The following KCNQ1OT1 variants were observed in gnomAD, a reference collection of about 807,000 sequenced individuals.
The protein encoded by KCNQ1OT1 is KCNQ1 antisense RNA 2 (non-protein coding).
chr11:2,623,986 C>G lies in KCNQ1OT1; in HGVS notation n.76009G>C. 1 of 398,786 alleles carries G rather than the reference C, an allele frequency of 2.5e-6. No individual in the cohort carries two copies. Among genetic ancestry groups the G allele is most frequent in the Non-Finnish European group, 4.4e-6 (1 of 226,214 alleles). The allele number at this position is 398,786 out of a possible 1,614,324, so 24.7% of individuals were successfully genotyped here. A position where few individuals can be genotyped will look rare whatever the true frequency, so the allele number is the denominator to read the frequency against. Reference sequence around the variant, plus strand: ...CCAGGGCTGCACCACTTTACATTCCCATTAATGGTATATGTCAAAGTGGCT... The same window carrying G: ...CCAGGGCTGCACCACTTTACATTCCGATTAATGGTATATGTCAAAGTGGCT... On this transcript the variant is annotated non_coding_transcript_exon_variant, in exon 1 of 1. Transcript: ENST00000597346. This position sits in a 1 kb window ranked among gnomAD's most constrained non-coding sequence, Gnocchi z 5.2.
chr11:2,624,374 C>G lies in KCNQ1OT1; in HGVS notation n.75621G>C. 5.0e-6 allele frequency: 2 copies of G among 398,514 alleles called. No homozygotes were observed. The highest frequency in any genetic ancestry group is 1.3e-4 in the South Asian group (1 of 7,850). 24.7% of individuals were successfully genotyped at this position (398,514 alleles called of 1,614,324 possible). ...GTCTCCCTTCTGTGGCCTGTCCTTTCATCCTCTTGACAGTATGTTTTACAG... is the reference window on the plus strand; with the variant it reads ...GTCTCCCTTCTGTGGCCTGTCCTTTGATCCTCTTGACAGTATGTTTTACAG... On this transcript the variant is annotated non_coding_transcript_exon_variant, in exon 1 of 1. Coordinates refer to ENST00000597346, the Ensembl canonical transcript of KCNQ1OT1. The surrounding 1 kb of genome is among the most constrained non-coding windows in gnomAD (Gnocchi z 4.9).
exon 1 of KCNQ1OT1, chr11:2,644,157 T>G: frequency 2.5e-6 from 1 of 398,598 alleles, no homozygotes; most frequent in Non-Finnish European, 4.4e-6. Flanking sequence ...TGGGAAGTGT[T>G]CAGGTATTAT....
exon 1 of KCNQ1OT1, chr11:2,672,174 T>G (rs984011719): frequency 2.5e-6 from 1 of 398,568 alleles, no homozygotes; most frequent in African/African-American, 2.1e-5. Flanking sequence ...TTTCAGTGTT[T>G]TCTTTAGGTT....
rs1464539876 is a variant in KCNQ1OT1, at chr11:2,687,046, T to TG, written n.12948dup. The TG allele has an allele frequency of 1.0e-5, 4 of 398,534 alleles. No homozygotes were observed. Among genetic ancestry groups the TG allele is most frequent in the African/African-American group, 8.2e-5 (4 of 48,632 alleles). 24.7% of individuals were successfully genotyped at this position (398,534 alleles called of 1,614,324 possible). On this transcript the variant is annotated non_coding_transcript_exon_variant, in exon 1 of 1. Coordinates refer to ENST00000597346, the Ensembl canonical transcript of KCNQ1OT1. This position sits in a 1 kb window ranked among gnomAD's most constrained non-coding sequence, Gnocchi z 5.0. ...GGCTAAAACTCAGCAGTCCCAGCTC[T>TG]GGGGGACAAGGACCCACAAAGTGAT...
chr11:2,675,191 G>T (rs145743701), exon 1 of KCNQ1OT1: 26 of 398,548 alleles, frequency 6.5e-5, no homozygotes, highest in African/African-American at 4.9e-4. Flanking sequence ...GGCCCCTCTA[G>T]GTCAATATTG....
At chr11:2,667,795 C>T (rs553622058) in exon 1 of KCNQ1OT1, 12 of 398,656 alleles carry the variant, frequency 3.0e-5, no homozygotes, top group Admixed American at 1.3e-4. Flanking sequence ...TAATTAGGCT[C>T]ACCTGGGCTA....
Position 2,654,831 on chromosome 11 carries a change from A to G in KCNQ1OT1, n.45164T>C, listed in dbSNP as rs150648685. On this transcript the variant is annotated non_coding_transcript_exon_variant, in exon 1 of 1. Coordinates refer to ENST00000597346, the Ensembl canonical transcript of KCNQ1OT1. This position sits in a 1 kb window ranked among gnomAD's most constrained non-coding sequence, Gnocchi z 6.4. ...AAGACTTTCATGATAGGAGAGCTCT[A>G]TGTAGCCTCATGGGCAGCTCCAGGC... The G allele has an allele frequency of 5.0e-6, 2 of 398,612 alleles. No individual in the cohort carries two copies. The highest frequency in any genetic ancestry group is 2.1e-5 in the African/African-American group (1 of 48,706). The allele number at this position is 398,612 out of a possible 1,614,324, so 24.7% of individuals were successfully genotyped here.
In KCNQ1OT1 at chr11:2,671,054, C is replaced by A. The variant is rs1204149267; in HGVS notation, n.28941G>T. 2.5e-6 allele frequency: 1 copy of A among 398,508 alleles called. No homozygotes were observed. The highest frequency in any genetic ancestry group is 4.4e-6 in the Non-Finnish European group (1 of 226,094). 24.7% of individuals were successfully genotyped at this position (398,508 alleles called of 1,614,324 possible). A position where few individuals can be genotyped will look rare whatever the true frequency, so the allele number is the denominator to read the frequency against. On this transcript the variant is annotated non_coding_transcript_exon_variant, in exon 1 of 1. Transcript: ENST00000597346. The surrounding 1 kb of genome is among the most constrained non-coding windows in gnomAD (Gnocchi z 4.7). ...CTGGGCAGGGGCTGTATCTGAGGCA[C>A]ACATCCTTGGTAGTGACTGGCTAGC... is the stretch of plus-strand genomic sequence containing the variant.
rs1208789481 is a variant in KCNQ1OT1, at chr11:2,651,742, C to T, written n.48253G>A. On this transcript the variant is annotated non_coding_transcript_exon_variant, in exon 1 of 1. Transcript: ENST00000597346. The surrounding 1 kb of genome is among the most constrained non-coding windows in gnomAD (Gnocchi z 6.1). Reference sequence around the variant, plus strand: ...TCATCCTCATTTCTATACGTTTTCTCTGATTACTGGAAATTCCTCAAGTGT... The same window carrying T: ...TCATCCTCATTTCTATACGTTTTCTTTGATTACTGGAAATTCCTCAAGTGT... 2.5e-6 allele frequency: 1 copy of T among 398,516 alleles called. No homozygotes were observed. The highest frequency in any genetic ancestry group is 4.4e-5 in the Admixed American group (1 of 22,720). 24.7% of individuals were successfully genotyped at this position (398,516 alleles called of 1,614,324 possible).
chr11:2,674,125 C>G lies in KCNQ1OT1; in HGVS notation n.25870G>C, dbSNP rs979079484. On this transcript the variant is annotated non_coding_transcript_exon_variant, in exon 1 of 1. Coordinates refer to ENST00000597346, the Ensembl canonical transcript of KCNQ1OT1. The surrounding 1 kb of genome is among the most constrained non-coding windows in gnomAD (Gnocchi z 5.9). ...GAGGGAGGTGTGGAAGCTGGTTTGC[C>G]GGGGCCACCCAGTGTGGGCTCAGGA... The G allele has an allele frequency of 5.0e-6, 2 of 398,460 alleles. No individual in the cohort carries two copies. Among genetic ancestry groups the G allele is most frequent in the East Asian group, 7.1e-5 (2 of 28,072 alleles). 24.7% of individuals were successfully genotyped at this position (398,460 alleles called of 1,614,324 possible).
rs1042975117 is a variant in KCNQ1OT1, at chr11:2,642,027, A to C, written n.57968T>G. 11 of 398,208 alleles carry C rather than the reference A, an allele frequency of 2.8e-5. No homozygotes were observed. The highest frequency in any genetic ancestry group is 6.2e-4 in the Middle Eastern group (1 of 1,608). 24.7% of individuals were successfully genotyped at this position (398,208 alleles called of 1,614,324 possible). On this transcript the variant is annotated non_coding_transcript_exon_variant, in exon 1 of 1. Coordinates refer to ENST00000597346, the Ensembl canonical transcript of KCNQ1OT1. The surrounding 1 kb of genome is among the most constrained non-coding windows in gnomAD (Gnocchi z 4.3). ...AATACCATGCTGCTTTTAATGCTATAGCCTTATATTTTTAAATCAGGCAGT... is the reference window on the plus strand; with the variant it reads ...AATACCATGCTGCTTTTAATGCTATCGCCTTATATTTTTAAATCAGGCAGT...
At chr11:2,648,613 T>C (rs1221862211) in exon 1 of KCNQ1OT1, 1 of 398,482 alleles carries the variant, frequency 2.5e-6, no homozygotes, top group African/African-American at 2.1e-5. Flanking sequence ...TTTCCAGTTT[T>C]ATTCCATTGT....
chr11:2,664,815 A>T lies in KCNQ1OT1; in HGVS notation n.35180T>A, dbSNP rs1035064453. ...CCAAAAAACATTTCCATTTTTCTTC[A>T]GCATTCTACTGATGTTAAATGTATT... On this transcript the variant is annotated non_coding_transcript_exon_variant, in exon 1 of 1. Coordinates refer to ENST00000597346, the Ensembl canonical transcript of KCNQ1OT1. The surrounding 1 kb of genome is among the most constrained non-coding windows in gnomAD (Gnocchi z 5.1). 6 of 398,578 alleles carry T rather than the reference A, an allele frequency of 1.5e-5. No individual in the cohort carries two copies. Among genetic ancestry groups the T allele is most frequent in the African/African-American group, 2.1e-5 (1 of 48,610 alleles). 24.7% of individuals were successfully genotyped at this position (398,578 alleles called of 1,614,324 possible).
chr11:2,683,109 T>G lies in KCNQ1OT1; in HGVS notation n.16886A>C, dbSNP rs1850425487. 2.6e-6 allele frequency: 1 copy of G among 381,300 alleles called. No homozygotes were observed. Among genetic ancestry groups the G allele is most frequent in the African/African-American group, 2.4e-5 (1 of 41,160 alleles). 23.6% of individuals were successfully genotyped at this position (381,300 alleles called of 1,614,324 possible). On this transcript the variant is annotated non_coding_transcript_exon_variant, in exon 1 of 1. Transcript: ENST00000597346. This position sits in a 1 kb window ranked among gnomAD's most constrained non-coding sequence, Gnocchi z 4.7. The stretch of plus-strand genomic sequence containing the variant: ...CCTTCAGATTTTCTTGTTCCCAGGA[T>G]ATATCGCACCAACTCAGGAGGGTGT...
chr11:2,689,044 AG>A, exon 1 of KCNQ1OT1: 1 of 398,750 alleles, frequency 2.5e-6, no homozygotes, highest in Non-Finnish European at 4.4e-6. Flanking sequence ...CAGGGTTTTG[AG>A]GGGCAGTTAC....
rs921008916 is a variant in KCNQ1OT1, at chr11:2,692,209, C to T, written n.7786G>A. The T allele has an allele frequency of 5.3e-5, 21 of 398,894 alleles. 1 individual carries two copies. The highest frequency in any genetic ancestry group is 6.3e-4 in the Middle Eastern group (1 of 1,592). The allele number at this position is 398,894 out of a possible 1,614,324, so 24.7% of individuals were successfully genotyped here. A position where few individuals can be genotyped will look rare whatever the true frequency, so the allele number is the denominator to read the frequency against. ...AAGTTCTGGGGTCATTTCCGATACA[C>T]CCGCTTCCTCACCACCTGCCCATCA... is the stretch of plus-strand genomic sequence containing the variant. On this transcript the variant is annotated non_coding_transcript_exon_variant, in exon 1 of 1. Transcript: ENST00000597346.
exon 1 of KCNQ1OT1, chr11:2,666,660 C>G (rs1590018492): frequency 2.5e-6 from 1 of 398,704 alleles, no homozygotes; most frequent in East Asian, 3.6e-5. Flanking sequence ...GGGGCTAGCT[C>G]TTTTGATGGG....
Position 2,670,967 on chromosome 11 carries a change from AGCCCCTGGCTAGGCATTCAT to A in KCNQ1OT1, n.29008_29027del. 2.5e-6 allele frequency: 1 copy of A among 398,590 alleles called. No individual in the cohort carries two copies. The highest frequency in any genetic ancestry group is 4.4e-6 in the Non-Finnish European group (1 of 226,086). The allele number at this position is 398,590 out of a possible 1,614,324, so 24.7% of individuals were successfully genotyped here. A position where few individuals can be genotyped will look rare whatever the true frequency, so the allele number is the denominator to read the frequency against. ...TTCATGCCTTCTTATGGTGCCCCAG[AGCCCCTGGCTAGGCATTCAT>A]GCTTTAGATATGTGGGCCCTGTTAG... On this transcript the variant is annotated non_coding_transcript_exon_variant, in exon 1 of 1. Coordinates refer to ENST00000597346, the Ensembl canonical transcript of KCNQ1OT1. The surrounding 1 kb of genome is among the most constrained non-coding windows in gnomAD (Gnocchi z 4.9).
rs1850022822 is a variant in KCNQ1OT1 at position 2,664,279 on chromosome 11, A to G, written n.35716T>C. 1 of 399,108 alleles carries G rather than the reference A, an allele frequency of 2.5e-6. No homozygotes were observed. 24.7% of individuals were successfully genotyped at this position (399,108 alleles called of 1,614,324 possible). On this transcript the variant is annotated non_coding_transcript_exon_variant, in exon 1 of 1. Coordinates refer to ENST00000597346, the Ensembl canonical transcript of KCNQ1OT1. The surrounding 1 kb of genome is among the most constrained non-coding windows in gnomAD (Gnocchi z 5.1). ...AGGGAAAAACAAGGAGGTTGCTGCA[A>G]AGGGGCCACCTTGAGGCATTGTGTT...
Sources: allele counts gnomAD v4.1 joint callset, GRCh38; gene constraint gnomAD v4.1.1; non-coding constraint Gnocchi (gnomAD v3.1); transcripts MANE v1.5; gene names NCBI Gene and HGNC (gene_info 2026-07-23, HGNC 2026-07-21).